The following NTRK2 variants were observed in gnomAD, a reference collection of about 807,000 sequenced individuals.
NTRK2 encodes the protein BDNF/NT-3 growth factors receptor.
In NTRK2, 13 loss-of-function variants were observed where a neutral mutation model predicts 94.5. The ratio of observed to expected loss-of-function variants is 0.14; its 90% confidence interval spans 0.09 to 0.22. The LOEUF (loss-of-function observed/expected upper bound fraction) is 0.22. Among genes scored for constraint, NTRK2 ranks in the 10% least tolerant of loss-of-function variants. NTRK2 has a pLI of 1.00. For synonymous variants in NTRK2, 372 were observed against 407.4 expected (o/e 0.91, Z 1.05); for missense variants, 639 against 1,071.2 (o/e 0.60, Z 5.63).
intron 12 of NTRK2, among the ~76,000 whole-genome samples, chr9:84,779,995 C>A (rs1403493087): frequency 6.6e-6 from 1 of 152,062 alleles, no homozygotes; most frequent in Non-Finnish European, 1.5e-5. Flanking sequence ...GCATTTCTGG[C>A]AGCTAGCCTT....
At chr9:84,945,948 A>G (rs1254874612) in intron 15 of NTRK2, among the ~76,000 whole-genome samples, 1 of 152,096 alleles carries the variant, frequency 6.6e-6, no homozygotes, top group Non-Finnish European at 1.5e-5. Flanking sequence ...TCCAGCTCAG[A>G]TCTGCTCCCT....
rs116416422 is a variant in NTRK2, at chr9:84,900,813, C to T, written c.1634-33349C>T. 9.0e-3 allele frequency among the ~76,000 whole-genome samples: 1,368 copies of T among 152,230 alleles called. 20 individuals carry two copies. Among genetic ancestry groups the T allele is most frequent in the African/African-American group, 0.032 (1,310 of 41,508 alleles). ...CATTGTATCGATTCATTTAAAATTC[C>T]TCTCCCCCAAGTCTTCAAATTAAAA... On this transcript the variant is annotated intron_variant, in intron 14 of 18. Transcript: ENST00000277120.
intron 17 of NTRK2, among the ~76,000 whole-genome samples, chr9:84,961,529 G>T (rs927540179): frequency 6.6e-6 from 1 of 152,160 alleles, no homozygotes; most frequent in African/African-American, 2.4e-5. Flanking sequence ...GTTCTAAATT[G>T]GTTTAATTTG....
chr9:84,719,417 A>T (rs1195338561), intron 6 of NTRK2, among the ~76,000 whole-genome samples: 1 of 152,202 alleles, frequency 6.6e-6, no homozygotes, highest in African/African-American at 2.4e-5. Flanking sequence ...TAATTATGTA[A>T]GCTTGAGTTT....
intron 12 of NTRK2, among the ~76,000 whole-genome samples, chr9:84,772,827 G>T (rs1588498289): frequency 6.6e-6 from 1 of 152,316 alleles, no homozygotes; most frequent in Admixed American, 6.5e-5. Context: ...TCGTGTTGGG[G>T]TGGCATGGAT....
intron 14 of NTRK2, among the ~76,000 whole-genome samples, chr9:84,885,009 G>A (rs1314672526): frequency 6.6e-6 from 1 of 152,198 alleles, no homozygotes; most frequent in Non-Finnish European, 1.5e-5. Flanking sequence ...GATATAGTCA[G>A]GAGGCAAGGA....
intron 14 of NTRK2, among the ~76,000 whole-genome samples, chr9:84,926,301 C>T (rs2077817912): frequency 6.6e-6 from 1 of 151,272 alleles, no homozygotes; most frequent in Admixed American, 6.6e-5. Flanking sequence ...GGCGTGATCT[C>T]AGCTCAATGC....
At position 84,964,706 on chromosome 9, in the gene NTRK2, T is replaced by A. The variant is rs76849111; in HGVS notation, c.2172+9189T>A. On this transcript the variant is annotated intron_variant, in intron 17 of 18. Transcript: ENST00000277120. ...CTTTCTCAATGAATTAAGCTCACAA[T>A]GTTTGTTTCTCATCTCTCAGATCAC... Among the ~76,000 whole-genome samples, 1,035 of 152,350 alleles carry A rather than the reference T, an allele frequency of 6.8e-3. 18 individuals are homozygous for A. Among genetic ancestry groups the A allele is most frequent in the African/African-American group, 0.024 (980 of 41,594 alleles).
chr9:84,690,808 A>G (rs954051666), intron 2 of NTRK2, among the ~76,000 whole-genome samples: 7 of 152,192 alleles, frequency 4.6e-5, no homozygotes, highest in African/African-American at 1.4e-4. Context: ...TGAAATTTTA[A>G]TAAATCATAG....
chr9:84,898,889 A>G (rs1360275456), intron 14 of NTRK2, among the ~76,000 whole-genome samples: 1 of 152,070 alleles, frequency 6.6e-6, no homozygotes, highest in African/African-American at 2.4e-5. Context: ...TTTAGTAGAG[A>G]TGGGGTTTCA....
At chr9:84,874,411 T>C (rs1196562740) in intron 14 of NTRK2, 8 of 1,065,522 alleles carry the variant, frequency 7.5e-6, no homozygotes, top group Non-Finnish European at 9.1e-6. Context: ...TTACTAATTC[T>C]GCCAGCCTGT....
intron 15 of NTRK2, among the ~76,000 whole-genome samples, chr9:84,945,477 A>T (rs183484286): frequency 1.7e-3 from 263 of 152,250 alleles, no homozygotes; most frequent in Non-Finnish European, 2.7e-3. Context: ...CCCAGCAGAT[A>T]GACTTCCATC....
At position 85,020,340 on chromosome 9, in the gene NTRK2, C is replaced by T. The variant is rs2117945104; in HGVS notation, c.2307C>T (p.Pro769=). ...AGATTTTCACCTATGGCAAACAGCCCTGGTACCAGCTGTCAAACAATGAGG... is the reference window on the plus strand; with the variant it reads ...AGATTTTCACCTATGGCAAACAGCCTTGGTACCAGCTGTCAAACAATGAGG... ...LWEIFTYGKQ[P]WYQLSNNEVI... Residue 769 remains proline (P), a synonymous_variant, in exon 18 of 19, where the codon CCC becomes CCT. Transcript: ENST00000277120. 2 of 1,614,138 alleles carry T rather than the reference C, an allele frequency of 1.2e-6. No individual in the cohort carries two copies. The highest frequency in any genetic ancestry group is 1.7e-6 in the Non-Finnish European group (2 of 1,180,012).
intron 17 of NTRK2, among the ~76,000 whole-genome samples, chr9:84,999,498 T>C (rs1830111282): frequency 6.6e-6 from 1 of 152,242 alleles, no homozygotes. Flanking sequence ...GAATGTATTT[T>C]AGCTGAGTAC....
chr9:84,899,636 C>T (rs2076867593), intron 14 of NTRK2, among the ~76,000 whole-genome samples: 1 of 152,268 alleles, frequency 6.6e-6, no homozygotes, highest in South Asian at 2.1e-4. Flanking sequence ...TAGAGAATAG[C>T]ACGTCATACG....
At chr9:84,918,082 T>C (rs1259048061) in intron 14 of NTRK2, among the ~76,000 whole-genome samples, 1 of 152,222 alleles carries the variant, frequency 6.6e-6, no homozygotes, top group African/African-American at 2.4e-5. Context: ...GTGGAGGCTG[T>C]AGCTATGTTC....
At chr9:84,968,824 G>C (rs893407980) in intron 17 of NTRK2, among the ~76,000 whole-genome samples, 1 of 152,220 alleles carries the variant, frequency 6.6e-6, no homozygotes, top group Non-Finnish European at 1.5e-5. Context: ...AATGGGGACA[G>C]AGCAGAGTCC....
chr9:84,980,245 A>G (rs760378057), intron 17 of NTRK2, among the ~76,000 whole-genome samples: 6 of 152,236 alleles, frequency 3.9e-5, no homozygotes, highest in Admixed American at 6.5e-5. Context: ...TTGCATTACT[A>G]TAATTAGCCT....
chr9:84,893,299 A>G (rs1425679725), intron 14 of NTRK2, among the ~76,000 whole-genome samples: 1 of 152,186 alleles, frequency 6.6e-6, no homozygotes. Flanking sequence ...ACTCTGTGTG[A>G]GAACTGGGCT....
Sources: gnomAD v4.1 joint callset for allele counts (sites outside exome capture counted in the v4.1 genomes callset) on GRCh38, gnomAD v4.1.1 for gene constraint, MANE v1.5 for transcripts, NCBI Gene and HGNC (gene_info 2026-07-23, HGNC 2026-07-21) for gene names.